The following RABGAP1L variants were observed in gnomAD, a reference collection of about 807,000 sequenced individuals.
RABGAP1L encodes RAB GTPase activating protein 1 like.
A neutral mutation model predicts 137.7 loss-of-function variants in RABGAP1L; 63 were observed. That is an observed-to-expected ratio of 0.46 (90% CI 0.37 to 0.56). The LOEUF is 0.56. Among genes scored for constraint, RABGAP1L ranks in the 20% least tolerant of loss-of-function variants. RABGAP1L has a pLI of 0.00. For missense variants in RABGAP1L, 1,095 were observed against 1,244.0 expected (o/e 0.88, Z 1.80); for synonymous variants, 431 against 433.7 (o/e 0.99, Z 0.08).
At chr1:174,200,894 A>T (rs74128318) in intron 1 of RABGAP1L, among the ~76,000 whole-genome samples, 1 of 152,264 alleles carries the variant, frequency 6.6e-6, no homozygotes, top group South Asian at 2.1e-4. Flanking sequence ...AACTTTTTCA[A>T]TGTGTCCCCG....
intron 13 of RABGAP1L, among the ~76,000 whole-genome samples, chr1:174,615,380 C>T (rs753197773): frequency 1.6e-4 from 24 of 152,220 alleles, no homozygotes; most frequent in Non-Finnish European, 2.8e-4. Context: ...GCAGTGGCTG[C>T]AGAACTGCGG....
At chr1:174,275,655 G>T (rs992882459) in intron 8 of RABGAP1L, among the ~76,000 whole-genome samples, 178 bp from the exon 9 acceptor site, 2 of 152,052 alleles carry the variant, frequency 1.3e-5, no homozygotes, top group Non-Finnish European at 2.9e-5. Context: ...AGCTGTAGAA[G>T]AATTTAATAT....
intron 19 of RABGAP1L, chr1:174,850,126 C>G (rs771734411): frequency 3.3e-5 from 16 of 484,990 alleles, no homozygotes; most frequent in Non-Finnish European, 6.2e-5. Flanking sequence ...TCTCAGTTCT[C>G]TAGGTTGAAA....
At chr1:174,682,383 G>T (rs1678142195) in intron 14 of RABGAP1L, among the ~76,000 whole-genome samples, 1 of 149,498 alleles carries the variant, frequency 6.7e-6, no homozygotes, top group South Asian at 2.1e-4. Context: ...CTAATTCAGG[G>T]TTCAGTGACT....
intron 10 of RABGAP1L, among the ~76,000 whole-genome samples, chr1:174,280,295 G>GGTGA (rs945969707): frequency 1.3e-5 from 2 of 152,148 alleles, no homozygotes; most frequent in African/African-American, 4.8e-5. Context: ...GAATGAATTA[G>GGTGA]GTGATTACCT....
At chr1:174,505,756 T>G (rs555261870) in intron 13 of RABGAP1L, among the ~76,000 whole-genome samples, 1 of 152,032 alleles carries the variant, frequency 6.6e-6, no homozygotes, top group African/African-American at 2.4e-5. Flanking sequence ...CTAAAAAAAT[T>G]AAAAATAGAA....
At chr1:174,729,327 C>T (rs1222462950) in intron 17 of RABGAP1L, among the ~76,000 whole-genome samples, 2 of 152,064 alleles carry the variant, frequency 1.3e-5, no homozygotes, top group Non-Finnish European at 2.9e-5. Flanking sequence ...AAAATTAACT[C>T]AAGAAGGATT....
intron 14 of RABGAP1L, among the ~76,000 whole-genome samples, chr1:174,679,405 G>A (rs1205599535): frequency 6.6e-6 from 1 of 152,174 alleles, no homozygotes; most frequent in Admixed American, 6.5e-5. Context: ...GCTCAGCAAC[G>A]TAAGAATAGA....
chr1:174,428,446 C>CT (rs1291898806), intron 13 of RABGAP1L, among the ~76,000 whole-genome samples: 13 of 152,182 alleles, frequency 8.5e-5, no homozygotes, highest in African/African-American at 3.1e-4. Context: ...TAACTTTATT[C>CT]TCTCTAACCC....
At chr1:174,685,181 A>G (rs1296657294) in intron 15 of RABGAP1L, among the ~76,000 whole-genome samples, 2 of 152,164 alleles carry the variant, frequency 1.3e-5, no homozygotes, top group African/African-American at 2.4e-5. Flanking sequence ...TTTTGAGTTC[A>G]GATAGCAAAT....
intron 19 of RABGAP1L, among the ~76,000 whole-genome samples, chr1:174,861,308 A>C (rs1414001392): frequency 6.6e-6 from 1 of 152,180 alleles, no homozygotes; most frequent in African/African-American, 2.4e-5. Flanking sequence ...TATTATGTAT[A>C]TCTATAAATG....
chr1:174,374,332 A>G (rs1038104532), intron 12 of RABGAP1L, among the ~76,000 whole-genome samples: 1 of 152,154 alleles, frequency 6.6e-6, no homozygotes. Context: ...GGTGAAGAAC[A>G]GGGGCATAGT....
chr1:174,448,618 C>G lies in RABGAP1L; in HGVS notation c.1710+54473C>G. 1 of 1,613,970 alleles carries G rather than the reference C, an allele frequency of 6.2e-7. No individual in the cohort carries two copies. Among genetic ancestry groups the G allele is most frequent in the Non-Finnish European group, 8.5e-7 (1 of 1,179,846 alleles). Reference sequence around the variant, plus strand: ...GCATTATTTTGATCTGGATCTACTCCTGCCTAATTTTCTTGCCTTCCTTTT... The same window carrying G: ...GCATTATTTTGATCTGGATCTACTCGTGCCTAATTTTCTTGCCTTCCTTTT... On this transcript the variant is annotated intron_variant, in intron 13 of 25. Coordinates refer to ENST00000681986, the MANE Select transcript of RABGAP1L (RefSeq NM_001366446.1). The surrounding 1 kb of genome is among the most constrained non-coding windows in gnomAD (Gnocchi z 4.2).
chr1:174,952,869 C>T (rs1013089772), intron 19 of RABGAP1L, among the ~76,000 whole-genome samples: 2 of 151,984 alleles, frequency 1.3e-5, no homozygotes, highest in Non-Finnish European at 2.9e-5. Flanking sequence ...GGATTATAGG[C>T]ATGAGCCACC....
chr1:174,790,590 C>T (rs143266329), intron 18 of RABGAP1L, among the ~76,000 whole-genome samples: 151 of 149,404 alleles, frequency 1.0e-3, no homozygotes, highest in African/African-American at 3.4e-3. Context: ...GCCAAGATTG[C>T]GCTATTGCAC....
chr1:174,547,131 A>G (rs1666084812), intron 13 of RABGAP1L, among the ~76,000 whole-genome samples: 1 of 151,784 alleles, frequency 6.6e-6, no homozygotes, highest in South Asian at 2.1e-4. Flanking sequence ...GTTTTGACAT[A>G]GAGATTTAAA....
chr1:174,245,927 T>C (rs1672219256), intron 5 of RABGAP1L: 1 of 152,164 alleles, frequency 6.6e-6, no homozygotes, highest in African/African-American at 2.4e-5. Context: ...TGAGCCACCA[T>C]GCCTGGCCTT....
chr1:174,953,049 A>C (rs1157679051), intron 19 of RABGAP1L, among the ~76,000 whole-genome samples: 3 of 151,738 alleles, frequency 2.0e-5, no homozygotes, highest in Non-Finnish European at 2.9e-5. Flanking sequence ...AAAAAAAAAA[A>C]AAAGAACTAA....
Position 174,808,908 on chromosome 1 carries a change from C to T in RABGAP1L, c.2212-2924C>T, listed in dbSNP as rs184207500. Among the ~76,000 whole-genome samples the T allele has an allele frequency of 7.9e-5, 12 of 152,242 alleles. No homozygotes were observed. The East Asian group carries it at 1.2e-3, about 15-fold the overall frequency. ...CTGACCTCAAGTGATCCACCCGCCT[C>T]GGCCTCCCAAAGTACTGGGAATACA... On this transcript the variant is annotated intron_variant, in intron 18 of 25. Transcript: ENST00000681986.
Sources: gnomAD v4.1 joint callset for allele counts (sites outside exome capture counted in the v4.1 genomes callset) on GRCh38, gnomAD v4.1.1 for gene constraint, Gnocchi (gnomAD v3.1) non-coding constraint, MANE v1.5 for transcripts, NCBI Gene and HGNC (gene_info 2026-07-23, HGNC 2026-07-21) for gene names.